ZNF804B: variants seen among roughly 807,000 people sequenced by gnomAD.
ZNF804B encodes zinc finger 804B.
In ZNF804B, 80 loss-of-function variants were observed where a neutral mutation model predicts 101.4. That is an observed-to-expected ratio of 0.79 (90% CI 0.66 to 0.95). The LOEUF (loss-of-function observed/expected upper bound fraction) is 0.95, where lower values mean the gene tolerates loss of function less well. Among genes scored for constraint, ZNF804B ranks in the 40% least tolerant of loss-of-function variants. The pLI is 0.00. For synonymous variants in ZNF804B, 622 were observed against 558.8 expected (o/e 1.11, Z -1.59); for missense variants, 1,673 against 1,561.9 (o/e 1.07, Z -1.20).
At chr7:89,295,822 A>G (rs1790373435) in intron 2 of ZNF804B, among the ~76,000 whole-genome samples, 1 of 152,182 alleles carries the variant, frequency 6.6e-6, no homozygotes, top group Admixed American at 6.6e-5. Flanking sequence ...CTGTTGAGCC[A>G]TTAAAAGGAA....
chr7:89,142,743 A>AT (rs901407295), intron 1 of ZNF804B, among the ~76,000 whole-genome samples: 18 of 152,030 alleles, frequency 1.2e-4, no homozygotes, highest in South Asian at 2.1e-4. Flanking sequence ...GATGTTGGCT[A>AT]TTTTTTTGTG....
intron 1 of ZNF804B, among the ~76,000 whole-genome samples, chr7:88,833,362 G>T (rs78140387): frequency 6.6e-6 from 1 of 151,684 alleles, no homozygotes; most frequent in Non-Finnish European, 1.5e-5. Context: ...TTTCTAATCC[G>T]TAAAATGGGA....
At chr7:89,161,627 G>A (rs988701928) in intron 1 of ZNF804B, among the ~76,000 whole-genome samples, 6 of 96,906 alleles carry the variant, frequency 6.2e-5, no homozygotes, top group East Asian at 4.8e-4. Context: ...GGGCTCAAGC[G>A]ATCCTCCCAC....
intron 1 of ZNF804B, among the ~76,000 whole-genome samples, chr7:88,863,083 C>A (rs1384977293): frequency 6.6e-6 from 1 of 152,154 alleles, no homozygotes; most frequent in Non-Finnish European, 1.5e-5. Flanking sequence ...CTCCTTCTAG[C>A]TTCATCTTGT....
At chr7:89,180,654 G>T (rs761610274) in intron 1 of ZNF804B, among the ~76,000 whole-genome samples, 1 of 151,806 alleles carries the variant, frequency 6.6e-6, no homozygotes, top group Non-Finnish European at 1.5e-5. Flanking sequence ...GTATGACAAA[G>T]ACTTCTTTAC....
At chr7:89,284,471 G>A (rs1195520490) in intron 2 of ZNF804B, among the ~76,000 whole-genome samples, 3 of 152,210 alleles carry the variant, frequency 2.0e-5, no homozygotes, top group African/African-American at 7.2e-5. Flanking sequence ...ACCATAGATT[G>A]AGGTCTGCAG....
chr7:88,914,634 A>G (rs1020051148), intron 1 of ZNF804B, among the ~76,000 whole-genome samples: 1 of 152,214 alleles, frequency 6.6e-6, no homozygotes, highest in African/African-American at 2.4e-5. Context: ...TCACTAATAC[A>G]GTATATGTTT....
At chr7:88,924,701 C>G (rs1200832379) in intron 1 of ZNF804B, among the ~76,000 whole-genome samples, 3 of 152,070 alleles carry the variant, frequency 2.0e-5, no homozygotes, top group Non-Finnish European at 1.5e-5. Context: ...TGTTGTAACT[C>G]TCTCTCCTCA....
At chr7:88,857,725 T>G (rs983261010) in intron 1 of ZNF804B, among the ~76,000 whole-genome samples, 3 of 149,094 alleles carry the variant, frequency 2.0e-5, no homozygotes, top group African/African-American at 7.4e-5. Flanking sequence ...AGTATTCCAA[T>G]CAATAGAAAA....
intron 1 of ZNF804B, among the ~76,000 whole-genome samples, chr7:89,049,653 T>TAA (rs563846203): frequency 4.1e-5 from 6 of 147,188 alleles, no homozygotes; most frequent in African/African-American, 1.5e-4. Context: ...TGACAGAAAT[T>TAA]AAAAAAAAAA....
At chr7:89,126,705 C>A (rs1470317041) in intron 1 of ZNF804B, among the ~76,000 whole-genome samples, 1 of 151,740 alleles carries the variant, frequency 6.6e-6, no homozygotes, top group African/African-American at 2.4e-5. Flanking sequence ...TAATTCACAT[C>A]CTTTTATAGA....
At chr7:89,027,361 GAT>G in intron 1 of ZNF804B, among the ~76,000 whole-genome samples, 1 of 152,082 alleles carries the variant, frequency 6.6e-6, no homozygotes, top group Non-Finnish European at 1.5e-5. Context: ...CACAATGGTA[GAT>G]GGACTAACCT....
chr7:89,327,387 C>T lies in ZNF804B; in HGVS notation c.293C>T (p.Ala98Val). The T allele has an allele frequency of 1.2e-6, 2 of 1,610,402 alleles. No individual in the cohort carries two copies. Among genetic ancestry groups the T allele is most frequent in the Non-Finnish European group, 1.7e-6 (2 of 1,178,160 alleles). ...CAACGGGAATTTGCTCGAAATGTAG[C>T]TTCTAAGTCATGGAAAGATGAGAAA... ...LKQREFARNV[A>V]SKSWKDEKKQ... Residue 98 changes from alanine to valine, a missense_variant, in exon 3 of 4, where the codon GCT becomes GTT. Coordinates refer to ENST00000333190, the MANE Select transcript of ZNF804B (RefSeq NM_181646.5).
chr7:88,877,026 A>AATAT (rs1231449305), intron 1 of ZNF804B, among the ~76,000 whole-genome samples: 8 of 41,098 alleles, frequency 1.9e-4, no homozygotes, highest in Non-Finnish European at 2.4e-4. Flanking sequence ...ATATATATAT[A>AATAT]ATATATATAT....
chr7:88,844,172 A>T (rs1293584658), intron 1 of ZNF804B, among the ~76,000 whole-genome samples: 1 of 152,116 alleles, frequency 6.6e-6, no homozygotes, highest in Non-Finnish European at 1.5e-5. Context: ...TCAACTTAAC[A>T]TTTCTCCCAT....
chr7:88,815,948 AC>A (rs969195041), intron 1 of ZNF804B, among the ~76,000 whole-genome samples: 8 of 151,586 alleles, frequency 5.3e-5, no homozygotes, highest in African/African-American at 1.9e-4. Context: ...GACACTTTCC[AC>A]CCTTCTTGGT....
intron 1 of ZNF804B, among the ~76,000 whole-genome samples, chr7:89,200,023 G>A (rs1018282041): frequency 6.6e-6 from 1 of 150,914 alleles, no homozygotes; most frequent in Non-Finnish European, 1.5e-5. Flanking sequence ...ACCTTTGTGT[G>A]GTGCTCAGAA....
chr7:89,238,410 T>C lies in ZNF804B; in HGVS notation c.249+20115T>C, dbSNP rs576041869. On this transcript the variant is annotated intron_variant, in intron 2 of 3. Transcript: ENST00000333190. ...GGGTCATGACTCATTATGGAGTCATTGAATCATTTTAGTGGGTTGCAACTA... is the reference window on the plus strand; with the variant it reads ...GGGTCATGACTCATTATGGAGTCATCGAATCATTTTAGTGGGTTGCAACTA... 7.7e-4 allele frequency among the ~76,000 whole-genome samples: 117 copies of C among 152,238 alleles called. 1 individual carries two copies. The highest frequency in any genetic ancestry group is 1.4e-3 in the South Asian group (7 of 4,828).
At chr7:88,867,713 G>A (rs1791752175) in intron 1 of ZNF804B, among the ~76,000 whole-genome samples, 1 of 152,166 alleles carries the variant, frequency 6.6e-6, no homozygotes, top group South Asian at 2.1e-4. Flanking sequence ...AATAATGTTA[G>A]TAATAACAAT....
Sources: gnomAD v4.1 joint callset for allele counts (sites outside exome capture counted in the v4.1 genomes callset) on GRCh38, gnomAD v4.1.1 for gene constraint, MANE v1.5 for transcripts, NCBI Gene and HGNC (gene_info 2026-07-23, HGNC 2026-07-21) for gene names.